The following LRIT1 variants were observed in gnomAD, a reference collection of about 807,000 sequenced individuals.
LRIT1 encodes leucine rich repeat, Ig-like and transmembrane domains 1, also known as leucine-rich repeat, immunoglobulin-like domain and transmembrane domain-containing protein 1.
A neutral mutation model predicts 24.0 loss-of-function variants in LRIT1; 23 were observed. That is an observed-to-expected ratio of 0.96 (90% confidence interval 0.69 to 1.36). LRIT1 has a LOEUF of 1.36. Ranked by LOEUF, LRIT1 falls within the 40% of genes most tolerant of loss-of-function variation. The pLI, the probability that LRIT1 is intolerant of heterozygous loss-of-function variation, is 0.00. For missense variants in LRIT1, 846 were observed against 806.3 expected (o/e 1.05, Z -0.60); for synonymous variants, 361 against 340.5 (o/e 1.06, Z -0.66).
chr10:84,237,439 A>T lies in LRIT1; in HGVS notation c.370T>A (p.Trp124Arg). Reference sequence around the variant, plus strand: ...TTGGGGGCGTCCCTGAGCGCCGCCCAGGGGAAGGCGGCCAGGCGGTTCCCG... The same window carrying T: ...TTGGGGGCGTCCCTGAGCGCCGCCCTGGGGAAGGCGGCCAGGCGGTTCCCG... ...LPGNRLAAFP[W>R]AALRDAPKLR... is the part of the protein sequence containing the mutation. Residue 124 changes from tryptophan to arginine, a missense_variant, in exon 2 of 4, where the codon TGG becomes AGG. Coordinates refer to ENST00000372105, the MANE Select transcript of LRIT1 (RefSeq NM_015613.3). The T allele has an allele frequency of 6.4e-7, 1 of 1,551,888 alleles. No homozygotes were observed. The highest frequency in any genetic ancestry group is 8.7e-7 in the Non-Finnish European group (1 of 1,151,040).
Position 84,237,313 on chromosome 10 carries a change from G to T in LRIT1, c.496C>A (p.Gln166Lys). 1.9e-6 allele frequency: 3 copies of T among 1,551,096 alleles called. No individual in the cohort carries two copies. The highest frequency in any genetic ancestry group is 2.6e-6 in the Non-Finnish European group (3 of 1,146,986). Reference sequence around the variant, plus strand: ...AGCTCCTGCGGGAGCCTCATCAGCTGGTTGCTGGAGAGGTCGAGGAAGGTG... The same window carrying T: ...AGCTCCTGCGGGAGCCTCATCAGCTTGTTGCTGGAGAGGTCGAGGAAGGTG... ...NLTFLDLSSN[Q>K]LMRLPQELIV... Residue 166 changes from glutamine (Q) to lysine (K), a missense_variant, in exon 2 of 4, where the codon CAG (glutamine) becomes AAG (lysine). Gln to Lys is a moderately conservative substitution (Grantham distance 53). Transcript: ENST00000372105.
Position 84,232,299 on chromosome 10 carries a change from C to A in LRIT1, c.1500G>T (p.Val500=). The change falls in exon 4 of 4, where the codon GTG becomes GTT. Residue 500 remains valine, a synonymous_variant. Transcript: ENST00000372105. ...GCTCCTTCCGGGGCACCAGGCCCTG[C>A]ACACAGACACACGCCACATACTTGG... The part of the protein sequence containing the change: ...PKTKYVACVC[V]QGLVPRKEQC... 6.2e-7 allele frequency: 1 copy of A among 1,614,090 alleles called. No homozygotes were observed. The highest frequency in any genetic ancestry group is 8.5e-7 in the Non-Finnish European group (1 of 1,180,006).
rs1186769144 is a variant in LRIT1 at position 84,232,513 on chromosome 10, C to T, written c.1286G>A (p.Arg429Gln). The T allele has an allele frequency of 6.2e-7, 1 of 1,614,072 alleles. No homozygotes were observed. The highest frequency in any genetic ancestry group is 1.3e-5 in the African/African-American group (1 of 74,936). Residue 429 changes from arginine to glutamine, a missense_variant, in exon 4 of 4, where the codon CGA (arginine) becomes CAA (glutamine). By Grantham distance (43) the Arg-to-Gln change is conservative. Transcript: ENST00000372105. ...SDGRAGPSEARMVRSVKVVGD... is the reference protein window; with the variant it reads ...SDGRAGPSEAQMVRSVKVVGD... ...CACCACCTTCACAGACCTCACCATT[C>T]GTGCCTCTGAGGGTCCTGCCCGCCC...
At chr10:84,237,802 C>T (rs935306908) in intron 1 of LRIT1, 116 bp from the exon 2 acceptor site, 64 of 778,680 alleles carry the variant, frequency 8.2e-5, no homozygotes, top group Non-Finnish European at 1.1e-4. Flanking sequence ...ACACCCACAC[C>T]AGAGTCCAAG....
chr10:84,239,556 G>A (rs1292475450), intron 1 of LRIT1, among the ~76,000 whole-genome samples: 1 of 152,148 alleles, frequency 6.6e-6, no homozygotes, highest in East Asian at 1.9e-4. Context: ...CGGTAAAAGG[G>A]GCATTTAAAG....
intron 1 of LRIT1, among the ~76,000 whole-genome samples, chr10:84,240,803 G>A (rs758646864): frequency 1.4e-4 from 22 of 152,162 alleles, no homozygotes; most frequent in Admixed American, 9.2e-4. Flanking sequence ...TCTGGCCAGC[G>A]AAGATGGAGA....
At chr10:84,235,170 A>G (rs1354644827) in intron 2 of LRIT1, among the ~76,000 whole-genome samples, 1 of 152,230 alleles carries the variant, frequency 6.6e-6, no homozygotes, top group Non-Finnish European at 1.5e-5. Context: ...AGTATATCTA[A>G]TAATCAATGA....
rs374333364 is a variant in LRIT1 at position 84,237,498 on chromosome 10, C to G, written c.311G>C (p.Arg104Pro). Residue 104 changes from arginine to proline, a missense_variant, in exon 2 of 4, where the codon CGG (arginine) becomes CCG (proline). Arg to Pro is a moderately radical substitution (Grantham distance 103). Transcript: ENST00000372105. ...ALSELNALML[R>P]GLRRLRELRL... ...CAGCTCCCGCAGGCGTCGCAGGCCC[C>G]GCAGCATGAGGGCGTTGAGCTCGCT... The G allele has an allele frequency of 2.3e-4, 375 of 1,598,628 alleles. No homozygotes were observed. The highest frequency in any genetic ancestry group is 3.0e-4 in the Non-Finnish European group (352 of 1,176,614).
chr10:84,240,636 AGAG>A (rs1842684412), intron 1 of LRIT1, among the ~76,000 whole-genome samples: 1 of 152,156 alleles, frequency 6.6e-6, no homozygotes, highest in Non-Finnish European at 1.5e-5. Context: ...CCATGAAAGG[AGAG>A]GAGGAGAGAA....
intron 1 of LRIT1, among the ~76,000 whole-genome samples, chr10:84,237,980 C>A (rs1183556492): frequency 6.6e-6 from 1 of 152,198 alleles, no homozygotes; most frequent in Non-Finnish European, 1.5e-5. Context: ...GCCCGCAGCA[C>A]CCACAGTGCA....
chr10:84,237,746 C>T (rs754620), intron 1 of LRIT1, 60 bp from the exon 2 acceptor site: 34,465 of 1,334,860 alleles, frequency 0.026, 583 homozygotes, highest in Admixed American at 0.07. Context: ...GATCTCCCAC[C>T]GCTACCTCCC....
In LRIT1 at chr10:84,231,834, C is replaced by A; in HGVS notation, c.*93G>T. On this transcript the variant is annotated 3_prime_UTR_variant, in exon 4 of 4. Coordinates refer to ENST00000372105, the MANE Select transcript of LRIT1 (RefSeq NM_015613.3). Reference sequence around the variant, plus strand: ...GTAAGTATCTGAGTAAGCAGGTACCCGAGCAGGTAAGAGTGGGTGATCGTG... The same window carrying A: ...GTAAGTATCTGAGTAAGCAGGTACCAGAGCAGGTAAGAGTGGGTGATCGTG... 1.4e-6 allele frequency: 2 copies of A among 1,404,862 alleles called. No homozygotes were observed. The highest frequency in any genetic ancestry group is 2.3e-5 in the East Asian group (1 of 42,886). The allele number at this position is 1,404,862 out of a possible 1,614,324, so 87.0% of individuals were successfully genotyped here. A position where few individuals can be genotyped will look rare whatever the true frequency, so the allele number is the denominator to read the frequency against.
At position 84,237,289 on chromosome 10, in the gene LRIT1, G is replaced by A. The variant is rs781527266; in HGVS notation, c.520C>T (p.Leu174Phe). 6.4e-7 allele frequency: 1 copy of A among 1,551,062 alleles called. No homozygotes were observed. Among genetic ancestry groups the A allele is most frequent in the South Asian group, 1.2e-5 (1 of 84,046 alleles). ...SNQLMRLPQE[L>F]IVSWAHLETG... ...TCCAGGTGAGCCCAGGAGACGATGAGCTCCTGCGGGAGCCTCATCAGCTGG... is the reference window on the plus strand; with the variant it reads ...TCCAGGTGAGCCCAGGAGACGATGAACTCCTGCGGGAGCCTCATCAGCTGG... Residue 174 changes from leucine (L) to phenylalanine (F), a missense_variant, in exon 2 of 4, where the codon CTC becomes TTC. By Grantham distance (22) the Leu-to-Phe change is conservative. Coordinates refer to ENST00000372105, the MANE Select transcript of LRIT1 (RefSeq NM_015613.3).
chr10:84,239,206 C>T (rs1476479851), intron 1 of LRIT1, among the ~76,000 whole-genome samples: 3 of 152,222 alleles, frequency 2.0e-5, no homozygotes, highest in Non-Finnish European at 4.4e-5. Context: ...AGAGAATCAG[C>T]CTCATAGCCC....
intron 1 of LRIT1, among the ~76,000 whole-genome samples, chr10:84,239,292 AG>A (rs1471367507): frequency 6.6e-6 from 1 of 152,244 alleles, no homozygotes; most frequent in Non-Finnish European, 1.5e-5. Context: ...ATACTACAAT[AG>A]GTTCGGGCAG....
At chr10:84,238,383 A>T (rs1221063660) in intron 1 of LRIT1, among the ~76,000 whole-genome samples, 1 of 152,190 alleles carries the variant, frequency 6.6e-6, no homozygotes, top group Non-Finnish European at 1.5e-5. Flanking sequence ...CGTTTGTTAA[A>T]TTATACCTCA....
intron 1 of LRIT1, 96 bp from the exon 2 acceptor site, chr10:84,237,782 T>G: frequency 1.1e-6 from 1 of 946,402 alleles, no homozygotes; most frequent in Non-Finnish European, 1.6e-6. Context: ...GTTCTGCCTG[T>G]TATCACCGGA....
chr10:84,232,519 T>A lies in LRIT1; in HGVS notation c.1280A>T (p.Glu427Val), dbSNP rs1842610283. The change falls in exon 4 of 4, where the codon GAG becomes GTG. Residue 427 changes from glutamate to valine, a missense_variant. Physicochemically the swap from Glu to Val is moderately radical, Grantham distance 121. Coordinates refer to ENST00000372105, the MANE Select transcript of LRIT1 (RefSeq NM_015613.3). Reference protein sequence around the residue: ...ELSDGRAGPSEARMVRSVKVV... With the variant: ...ELSDGRAGPSVARMVRSVKVV... ...CTTCACAGACCTCACCATTCGTGCC[T>A]CTGAGGGTCCTGCCCGCCCATCAGA... 6.2e-7 allele frequency: 1 copy of A among 1,614,176 alleles called. No individual in the cohort carries two copies. The highest frequency in any genetic ancestry group is 1.3e-5 in the African/African-American group (1 of 75,056).
chr10:84,240,867 T>C (rs193148504), intron 1 of LRIT1, among the ~76,000 whole-genome samples: 7 of 152,060 alleles, frequency 4.6e-5, no homozygotes, highest in Admixed American at 2.0e-4. Flanking sequence ...TTGTAGGAAA[T>C]GCCTGGGATA....
Sources: gnomAD v4.1 joint callset for allele counts (sites outside exome capture counted in the v4.1 genomes callset) on GRCh38, gnomAD v4.1.1 for gene constraint, MANE v1.5 for transcripts, NCBI Gene and HGNC (gene_info 2026-07-23, HGNC 2026-07-21) for gene names.